The following RBM47 variants were observed in gnomAD, a reference collection of about 807,000 sequenced individuals.
RBM47 encodes the protein RNA-binding protein 47.
RBM47 carries 21 observed loss-of-function variants against 47.1 expected under a neutral mutation model. The ratio of observed to expected loss-of-function variants is 0.45; its 90% confidence interval spans 0.32 to 0.64. RBM47 has a LOEUF of 0.64. Ranked by LOEUF, RBM47 falls within the 30% of genes least tolerant of loss-of-function variation. The probability of loss-of-function intolerance (pLI) is 0.05; values close to 1 mark genes in which losing one functional copy is unlikely to be tolerated. For missense variants in RBM47, 708 were observed against 870.9 expected, an observed-to-expected ratio of 0.81 and a Z score of 2.35; for synonymous variants, 375 against 361.7, an observed-to-expected ratio of 1.04 and a Z score of -0.42.
At chr4:40,458,242 C>G (rs1716585198) in intron 3 of RBM47, among the ~76,000 whole-genome samples, 1 of 152,130 alleles carries the variant, frequency 6.6e-6, no homozygotes, top group Admixed American at 6.6e-5. Context: ...ATTGCCTGTC[C>G]TGAAACAAAG....
chr4:40,618,335 AG>A (rs1194257787), intron 1 of RBM47, among the ~76,000 whole-genome samples: 1 of 152,176 alleles, frequency 6.6e-6, no homozygotes, highest in Non-Finnish European at 1.5e-5. Flanking sequence ...CTGAGGCAGG[AG>A]GATTGATTGC....
At chr4:40,571,742 G>A (rs56389328) in intron 1 of RBM47, among the ~76,000 whole-genome samples, 27,523 of 151,778 alleles carry the variant, frequency 0.18, 2,863 homozygotes, top group African/African-American at 0.23. Context: ...TTATCTGGCT[G>A]GACACGGTGG....
intron 1 of RBM47, among the ~76,000 whole-genome samples, chr4:40,547,781 G>A (rs1053616044): frequency 5.3e-5 from 8 of 152,226 alleles, no homozygotes; most frequent in South Asian, 2.1e-4. Context: ...TACAAAAGAC[G>A]GCTATGGCTT....
chr4:40,622,226 G>A (rs1000279135), intron 1 of RBM47, among the ~76,000 whole-genome samples: 6 of 152,206 alleles, frequency 3.9e-5, no homozygotes, highest in African/African-American at 1.4e-4. Flanking sequence ...ATAAATACCA[G>A]AGAGAAAGCA....
chr4:40,502,858 G>C (rs1262617939), intron 2 of RBM47, among the ~76,000 whole-genome samples: 1 of 151,634 alleles, frequency 6.6e-6, no homozygotes. Context: ...AAAAAAAGAC[G>C]GCTGGGCGTG....
At chr4:40,623,553 G>A (rs759266424) in intron 1 of RBM47, among the ~76,000 whole-genome samples, 1 of 152,132 alleles carries the variant, frequency 6.6e-6, no homozygotes, top group Non-Finnish European at 1.5e-5. Flanking sequence ...AGGCTGGAGT[G>A]CAGTGGCTAG....
At chr4:40,451,469 C>T (rs1010957240) in intron 3 of RBM47, among the ~76,000 whole-genome samples, 4 of 152,146 alleles carry the variant, frequency 2.6e-5, no homozygotes, top group African/African-American at 7.2e-5. Flanking sequence ...ATTTAAATTC[C>T]GACCCCGCTG....
At chr4:40,569,162 T>C (rs1426107678) in intron 1 of RBM47, among the ~76,000 whole-genome samples, 3 of 151,868 alleles carry the variant, frequency 2.0e-5, no homozygotes, top group Non-Finnish European at 4.4e-5. Context: ...GATAACCAGG[T>C]GCATGAATAC....
intron 3 of RBM47, among the ~76,000 whole-genome samples, chr4:40,439,411 G>T (rs1268213487): frequency 6.6e-6 from 1 of 152,176 alleles, no homozygotes; most frequent in Non-Finnish European, 1.5e-5. Flanking sequence ...AATTATTAAA[G>T]AAAACTTTTA....
chr4:40,628,986 C>T lies in RBM47; in HGVS notation c.-240+410G>A, dbSNP rs1266911587. Among the ~76,000 whole-genome samples, 1 of 152,214 alleles carries T rather than the reference C, an allele frequency of 6.6e-6. No homozygotes were observed. Among genetic ancestry groups the T allele is most frequent in the African/African-American group, 2.4e-5 (1 of 41,454 alleles). Reference sequence around the variant, plus strand: ...TAAATTACTGCAGGAAGACCCCCCTCTGCCTTGGTTAACACTTAAATGAGA... The same window carrying T: ...TAAATTACTGCAGGAAGACCCCCCTTTGCCTTGGTTAACACTTAAATGAGA... On this transcript the variant is annotated intron_variant, in intron 1 of 6. Coordinates refer to ENST00000295971, the MANE Select transcript of RBM47 (RefSeq NM_001098634.2). The surrounding 1 kb of genome is among the most constrained non-coding windows in gnomAD (Gnocchi z 4.0).
chr4:40,470,361 T>C (rs1718670426), intron 2 of RBM47, among the ~76,000 whole-genome samples: 2 of 152,138 alleles, frequency 1.3e-5, no homozygotes, highest in Admixed American at 6.5e-5. Context: ...TTTGTTTTAA[T>C]GTTTTGGGGC....
intron 1 of RBM47, among the ~76,000 whole-genome samples, chr4:40,586,466 G>T (rs1162824121): frequency 6.6e-6 from 1 of 151,662 alleles, no homozygotes; most frequent in Non-Finnish European, 1.5e-5. Context: ...GTGCTCCTGG[G>T]TAAGAAGGGG....
At chr4:40,444,480 G>A (rs981351145) in intron 3 of RBM47, among the ~76,000 whole-genome samples, 3 of 151,566 alleles carry the variant, frequency 2.0e-5, no homozygotes, top group South Asian at 2.1e-4. Context: ...ATGGCAAAGC[G>A]AAATAGTTGA....
intron 2 of RBM47, among the ~76,000 whole-genome samples, chr4:40,513,380 C>G (rs977483011): frequency 4.6e-5 from 7 of 152,254 alleles, no homozygotes; most frequent in South Asian, 2.1e-4. Flanking sequence ...AACACTTTTC[C>G]CCAAGAACTG....
At chr4:40,547,486 G>T (rs1194497560) in intron 1 of RBM47, among the ~76,000 whole-genome samples, 1 of 152,206 alleles carries the variant, frequency 6.6e-6, no homozygotes, top group African/African-American at 2.4e-5. Context: ...CTGTCACCTT[G>T]ATCTTGGACT....
intron 1 of RBM47, among the ~76,000 whole-genome samples, chr4:40,589,396 T>C (rs190107300): frequency 1.6e-4 from 24 of 152,288 alleles, no homozygotes; most frequent in Admixed American, 6.5e-4. Context: ...AACTGTACAA[T>C]GTAGTTTTTA....
At chr4:40,587,918 C>T (rs1451624883) in intron 1 of RBM47, among the ~76,000 whole-genome samples, 1 of 152,234 alleles carries the variant, frequency 6.6e-6, no homozygotes, top group Non-Finnish European at 1.5e-5. Flanking sequence ...GGTGACTAAG[C>T]CAGCCCTGAA....
intron 3 of RBM47, among the ~76,000 whole-genome samples, chr4:40,445,968 G>T (rs1427492667): frequency 6.6e-6 from 1 of 152,194 alleles, no homozygotes; most frequent in Non-Finnish European, 1.5e-5. Context: ...AGTTTTAAAA[G>T]GGACTGGGCA....
At chr4:40,552,388 ACT>A (rs1263402508) in intron 1 of RBM47, among the ~76,000 whole-genome samples, 1 of 145,064 alleles carries the variant, frequency 6.9e-6, no homozygotes, top group Non-Finnish European at 1.5e-5. Flanking sequence ...ACAGAGTGAG[ACT>A]CTGTCTCAAA....
Sources: gnomAD v4.1 joint callset for allele counts (sites outside exome capture counted in the v4.1 genomes callset) on GRCh38, gnomAD v4.1.1 for gene constraint, Gnocchi (gnomAD v3.1) non-coding constraint, MANE v1.5 for transcripts, NCBI Gene and HGNC (gene_info 2026-07-23, HGNC 2026-07-21) for gene names.